The following MED27 variants were observed in gnomAD, a reference collection of about 807,000 sequenced individuals.
MED27 encodes mediator of RNA polymerase II transcription subunit 27.
Under a neutral mutation model 38.2 loss-of-function variants are expected in MED27, and 30 were observed. The ratio of observed to expected loss-of-function variants is 0.79; its 90% CI spans 0.59 to 1.07. The LOEUF (loss-of-function observed/expected upper bound fraction) is 1.07. Among genes scored for constraint, MED27 ranks in the 50% least tolerant of loss-of-function variants. MED27 has a pLI of 0.00. For missense variants in MED27, 289 were observed against 397.5 expected (o/e 0.73, Z 2.32); for synonymous variants, 122 against 153.5 (o/e 0.79, Z 1.52).
intron 2 of MED27, among the ~76,000 whole-genome samples, chr9:132,056,700 T>C (rs930160559): frequency 6.6e-6 from 1 of 152,264 alleles, no homozygotes; most frequent in East Asian, 1.9e-4. Flanking sequence ...AGGAAAGGTA[T>C]AGACACCGTG....
At chr9:131,979,483 CAA>C (rs36197993) in intron 3 of MED27, among the ~76,000 whole-genome samples, 28,969 of 127,642 alleles carry the variant, frequency 0.23, 3,229 homozygotes, top group African/African-American at 0.35. Context: ...AAAGCTGTTC[CAA>C]AAAAAAAAAA....
chr9:131,871,651 G>A (rs1190821405), intron 6 of MED27, among the ~76,000 whole-genome samples: 1 of 152,144 alleles, frequency 6.6e-6, no homozygotes, highest in Non-Finnish European at 1.5e-5. Context: ...CTGGGCGCAA[G>A]TGATCCTCCT....
intron 3 of MED27, among the ~76,000 whole-genome samples, chr9:131,971,725 G>A (rs1831483306): frequency 6.6e-6 from 1 of 152,154 alleles, no homozygotes; most frequent in Non-Finnish European, 1.5e-5. Flanking sequence ...GGGCGGGGAG[G>A]TGAGGAAAAC....
chr9:131,981,381 G>A (rs1241387571), intron 3 of MED27, among the ~76,000 whole-genome samples: 6 of 152,164 alleles, frequency 3.9e-5, no homozygotes, highest in Admixed American at 3.9e-4. Context: ...GGGCCCATGT[G>A]CTCAAATGAA....
intron 5 of MED27, among the ~76,000 whole-genome samples, chr9:131,884,685 G>A (rs967052199): frequency 6.9e-6 from 1 of 145,398 alleles, no homozygotes; most frequent in African/African-American, 2.6e-5. Flanking sequence ...TCAGCTCACT[G>A]CAACCTGCAT....
At chr9:131,899,141 CCT>C (rs1469583374) in intron 4 of MED27, among the ~76,000 whole-genome samples, 12 of 152,204 alleles carry the variant, frequency 7.9e-5, no homozygotes, top group East Asian at 3.8e-4. Flanking sequence ...GGCCCAAACC[CCT>C]GTTTGGACTT....
chr9:131,948,509 A>T (rs866581629), intron 3 of MED27, among the ~76,000 whole-genome samples: 9 of 151,934 alleles, frequency 5.9e-5, no homozygotes, highest in Non-Finnish European at 1.2e-4. Flanking sequence ...AAACAAAAAA[A>T]AAAAACAAAA....
intron 3 of MED27, among the ~76,000 whole-genome samples, chr9:131,972,394 GAC>G (rs1280927871): frequency 2.0e-5 from 3 of 152,118 alleles, no homozygotes; most frequent in African/African-American, 7.2e-5. Flanking sequence ...AATAGAGACA[GAC>G]ACATGCAGTT....
intron 4 of MED27, among the ~76,000 whole-genome samples, chr9:131,914,505 T>C (rs1016071432): frequency 2.0e-5 from 3 of 152,166 alleles, no homozygotes; most frequent in Admixed American, 1.3e-4. Flanking sequence ...TGCTACTGTA[T>C]ATGAGGGATA....
chr9:131,897,328 T>G (rs537062258), intron 4 of MED27, among the ~76,000 whole-genome samples: 1 of 152,260 alleles, frequency 6.6e-6, no homozygotes, highest in Non-Finnish European at 1.5e-5. Context: ...TTTTAAGGCT[T>G]TTGATATAAT....
intron 2 of MED27, among the ~76,000 whole-genome samples, chr9:132,049,948 A>T (rs553208177): frequency 6.6e-6 from 1 of 150,686 alleles, no homozygotes; most frequent in Non-Finnish European, 1.5e-5. Flanking sequence ...AAGTTAAACT[A>T]TTTTTTTTTT....
rs988000954 is a variant in MED27 at position 131,889,390 on chromosome 9, A to AT, written c.681+4494dup. Among the ~76,000 whole-genome samples, 6 of 151,534 alleles carry AT rather than the reference A, an allele frequency of 4.0e-5. No individual in the cohort carries two copies. The highest frequency in any genetic ancestry group is 2.0e-4 in the Admixed American group (3 of 15,210). On this transcript the variant is annotated intron_variant, in intron 5 of 7. Transcript: ENST00000292035. The surrounding 1 kb of genome is among the most constrained non-coding windows in gnomAD (Gnocchi z 4.2). ...AAAAAGTTAAATTCGAACGAGACAC[A>AT]TTTTTTTTTCAGTTAAGTCTGACTG...
At chr9:132,009,499 C>A (rs914198184) in intron 3 of MED27, among the ~76,000 whole-genome samples, 168 of 152,262 alleles carry the variant, frequency 1.1e-3, no homozygotes, top group African/African-American at 4.0e-3. Context: ...CTGGAGGAGC[C>A]AGAAGCCATG....
At chr9:131,929,532 C>T (rs1421899634) in intron 4 of MED27, among the ~76,000 whole-genome samples, 1 of 152,084 alleles carries the variant, frequency 6.6e-6, no homozygotes, top group East Asian at 1.9e-4. Flanking sequence ...ATTCACCACA[C>T]CTGTATGGTG....
rs566548727 is a variant in MED27, at chr9:131,971,298, G to A, written c.480-31824C>T. The stretch of plus-strand genomic sequence containing the variant: ...GCTGGCAGAAGGAACAGAAAGTGCT[G>A]AGGCACAGGTGGGCTCAAACTTGGA... On this transcript the variant is annotated intron_variant, in intron 3 of 7. Transcript: ENST00000292035. 5.9e-5 allele frequency among the ~76,000 whole-genome samples: 9 copies of A among 152,356 alleles called. No homozygotes were observed. In the South Asian group the frequency reaches 1.0e-3, roughly 18 times the overall value.
intron 3 of MED27, among the ~76,000 whole-genome samples, chr9:131,957,082 T>G (rs76818655): frequency 6.6e-6 from 1 of 152,156 alleles, no homozygotes; most frequent in Admixed American, 6.5e-5. Flanking sequence ...TCGCTGCCGG[T>G]AGGAGTACAA....
chr9:131,885,426 G>A (rs951111732), intron 5 of MED27, among the ~76,000 whole-genome samples: 2 of 152,132 alleles, frequency 1.3e-5, no homozygotes, highest in African/African-American at 4.8e-5. Context: ...TGAATCAATG[G>A]CTGGAGCGGG....
At chr9:131,914,589 G>T (rs993328722) in intron 4 of MED27, among the ~76,000 whole-genome samples, 1 of 152,208 alleles carries the variant, frequency 6.6e-6, no homozygotes, top group African/African-American at 2.4e-5. Context: ...CATTCTAGTG[G>T]GTGGAGCCTG....
rs527697989 is a variant in MED27, at chr9:132,065,359, C to T, written c.348+12083G>A. On this transcript the variant is annotated intron_variant, in intron 2 of 7. Transcript: ENST00000292035. The stretch of plus-strand genomic sequence containing the variant: ...TCCAGTGCTGAAACACACAGACACA[C>T]GCAAACAGGGAAAGGAGAAGAGCGG... 8.5e-5 allele frequency among the ~76,000 whole-genome samples: 13 copies of T among 152,314 alleles called. No individual in the cohort carries two copies. The East Asian group carries it at 1.9e-3, about 23-fold the overall frequency.
Sources: gnomAD v4.1 joint callset for allele counts (sites outside exome capture counted in the v4.1 genomes callset) on GRCh38, gnomAD v4.1.1 for gene constraint, Gnocchi (gnomAD v3.1) non-coding constraint, MANE v1.5 for transcripts, NCBI Gene and HGNC (gene_info 2026-07-23, HGNC 2026-07-21) for gene names.